Variants in PDE12 observed in about 807,000 individuals in gnomAD.
PDE12 encodes the protein 2',5'-phosphodiesterase 12.
A neutral mutation model predicts 45.4 loss-of-function variants in PDE12; 26 were observed. The observed-to-expected ratio is 0.57, with a 90% CI of 0.42 to 0.79. PDE12 has a LOEUF of 0.79. Among genes scored for constraint, PDE12 ranks in the 30% least tolerant of loss-of-function variants. The pLI, the probability that PDE12 is intolerant of heterozygous loss-of-function variation, is 0.00. For missense variants in PDE12, 668 were observed against 790.0 expected, an observed-to-expected ratio of 0.85 and a Z score of 1.85; for synonymous variants, 283 against 323.9, an observed-to-expected ratio of 0.87 and a Z score of 1.36.
At chr3:57,645,767 G>A in the PDE12 span, 1 of 1,592,040 alleles carries the variant, frequency 6.3e-7, no homozygotes, top group South Asian at 1.1e-5. Flanking sequence ...CTGTGGAGCA[G>A]GAAGAACATG....
chr3:57,558,422 ACT>A (rs1414601959), intron 1 of PDE12, among the ~76,000 whole-genome samples: 1 of 152,202 alleles, frequency 6.6e-6, no homozygotes, highest in Admixed American at 6.5e-5. Flanking sequence ...GCTTGAAAAC[ACT>A]TTCTCCAGTC....
downstream of PDE12, among the ~76,000 whole-genome samples, chr3:57,570,923 C>T (rs1369295396): frequency 1.3e-5 from 2 of 152,062 alleles, no homozygotes; most frequent in African/African-American, 4.8e-5. Flanking sequence ...TTTATTACAG[C>T]CTTTTACTCT....
chr3:57,590,691 T>C, the PDE12 span, among the ~76,000 whole-genome samples: 1 of 152,154 alleles, frequency 6.6e-6, no homozygotes, highest in Non-Finnish European at 1.5e-5. Flanking sequence ...TATACATTTG[T>C]TTTTTGAGAC....
At chr3:57,654,807 G>T in the PDE12 span, 5 of 980,974 alleles carry the variant, frequency 5.1e-6, no homozygotes, top group Non-Finnish European at 6.1e-6. Flanking sequence ...TCTTTACTTT[G>T]CTTTCAAGCT....
chr3:57,600,463 C>T, the PDE12 span, among the ~76,000 whole-genome samples: 1 of 148,738 alleles, frequency 6.7e-6, no homozygotes, highest in African/African-American at 2.5e-5. Flanking sequence ...TCCCTTTTCC[C>T]TTCCCTTTTC....
the PDE12 span, among the ~76,000 whole-genome samples, chr3:57,589,842 C>T: frequency 6.6e-6 from 1 of 151,966 alleles, no homozygotes; most frequent in South Asian, 2.1e-4. Flanking sequence ...CCTGAAATCC[C>T]AGCACTTTAG....
the PDE12 span, among the ~76,000 whole-genome samples, chr3:57,632,503 A>G: frequency 6.6e-6 from 1 of 152,196 alleles, no homozygotes; most frequent in Non-Finnish European, 1.5e-5. Context: ...GCACTACAGT[A>G]AAGTTTATTT....
the PDE12 span, among the ~76,000 whole-genome samples, chr3:57,636,096 TA>T: frequency 6.6e-6 from 1 of 152,220 alleles, no homozygotes; most frequent in South Asian, 2.1e-4. Context: ...ATGTTATTGC[TA>T]AGGCTCTGAT....
At chr3:57,614,992 C>CA in the PDE12 span, among the ~76,000 whole-genome samples, 22,939 of 131,182 alleles carry the variant, frequency 0.17, 2,378 homozygotes, top group East Asian at 0.48. Context: ...GACTGTGTCT[C>CA]AAAAAAAAAA....
chr3:57,645,714 A>C, the PDE12 span: 1 of 1,613,566 alleles, frequency 6.2e-7, no homozygotes, highest in Non-Finnish European at 8.5e-7. Context: ...GAATAGTGAA[A>C]TAAGGTCGGA....
chr3:57,605,279 A>G, the PDE12 span, among the ~76,000 whole-genome samples: 2 of 152,120 alleles, frequency 1.3e-5, no homozygotes, highest in African/African-American at 4.8e-5. Flanking sequence ...ACAGAAAGAG[A>G]GAGAGCTGCA....
the PDE12 span, among the ~76,000 whole-genome samples, chr3:57,640,692 T>C: frequency 8.5e-5 from 13 of 152,276 alleles, no homozygotes; most frequent in South Asian, 2.5e-3. Flanking sequence ...ATGTCTTCCA[T>C]TGGAAGGAGA....
chr3:57,593,210 C>G, the PDE12 span, among the ~76,000 whole-genome samples: 21 of 151,226 alleles, frequency 1.4e-4, no homozygotes, highest in Non-Finnish European at 2.9e-4. Context: ...AACCCTGTCT[C>G]AAAAAATAAA....
chr3:57,575,765 CATT>C, the PDE12 span: 28 of 1,286,638 alleles, frequency 2.2e-5, no homozygotes, highest in Non-Finnish European at 2.8e-5. Flanking sequence ...GCATTAAATA[CATT>C]ATTAAACATT....
the PDE12 span, among the ~76,000 whole-genome samples, chr3:57,613,980 T>G: frequency 6.7e-6 from 1 of 150,018 alleles, no homozygotes; most frequent in South Asian, 2.1e-4. Context: ...TATACCCTGC[T>G]AACTAACACT....
chr3:57,601,743 C>CTTTTT, the PDE12 span, among the ~76,000 whole-genome samples: 5 of 103,726 alleles, frequency 4.8e-5, no homozygotes, highest in Admixed American at 1.1e-4. Context: ...TTCTTTCCTT[C>CTTTTT]TTTTTTTTTT....
chr3:57,626,018 T>C, the PDE12 span: 5 of 152,668 alleles, frequency 3.3e-5, no homozygotes, highest in African/African-American at 1.2e-4. Context: ...GATGACCATT[T>C]ATACCTAAAT....
the PDE12 span, among the ~76,000 whole-genome samples, chr3:57,579,329 C>T: frequency 6.9e-6 from 1 of 145,884 alleles, no homozygotes; most frequent in East Asian, 2.1e-4. Context: ...TTTTTTTCAC[C>T]CAGGCTGGAG....
At chr3:57,630,399 C>T in the PDE12 span, 1 of 1,558,004 alleles carries the variant, frequency 6.4e-7, no homozygotes. Context: ...TTAATCATTA[C>T]ACAAACACAC....
Sources: allele counts gnomAD v4.1 joint callset (sites outside exome capture counted in the v4.1 genomes callset), GRCh38; gene constraint gnomAD v4.1.1; transcripts MANE v1.5; gene names NCBI Gene and HGNC (gene_info 2026-07-23, HGNC 2026-07-21).